TCF20: variants seen among roughly 807,000 people sequenced by gnomAD.
The protein encoded by TCF20 is SPRE-binding protein.
In TCF20, 3 loss-of-function variants were observed where a neutral mutation model predicts 148.6. That is an observed-to-expected ratio of 0.02 (90% CI 0.01 to 0.05). The LOEUF (loss-of-function observed/expected upper bound fraction) is 0.05. TCF20 is among the 10% of genes least tolerant of loss of function. TCF20 has a pLI of 1.00. For synonymous variants in TCF20, 1,049 were observed against 909.5 expected (o/e 1.15, Z -2.76); for missense variants, 2,350 against 2,429.3 (o/e 0.97, Z 0.69).
chr22:42,195,249 C>A (rs1262736105), intron 2 of TCF20, among the ~76,000 whole-genome samples: 2 of 151,292 alleles, frequency 1.3e-5, no homozygotes, highest in East Asian at 4.0e-4. Context: ...AACTCATGAA[C>A]AACAAAGCCT....
chr22:42,322,398 G>A (rs1406242290), intron 1 of TCF20, among the ~76,000 whole-genome samples: 2 of 151,848 alleles, frequency 1.3e-5, no homozygotes, highest in African/African-American at 2.4e-5. Context: ...GAGAGGAGAA[G>A]GGGGTCTGCT....
At chr22:42,257,060 C>G (rs943111977) in intron 1 of TCF20, among the ~76,000 whole-genome samples, 1 of 152,050 alleles carries the variant, frequency 6.6e-6, no homozygotes, top group Admixed American at 6.6e-5. Context: ...CTCAGGAGGC[C>G]GAGGAAGGAA....
chr22:42,314,499 G>A (rs1927595520), intron 1 of TCF20, among the ~76,000 whole-genome samples: 1 of 152,240 alleles, frequency 6.6e-6, no homozygotes, highest in Non-Finnish European at 1.5e-5. Flanking sequence ...CCAGGCATGT[G>A]GGCAGGCAGC....
intron 1 of TCF20, among the ~76,000 whole-genome samples, chr22:42,229,428 T>G (rs1451482976): frequency 6.6e-6 from 1 of 152,200 alleles, no homozygotes; most frequent in Non-Finnish European, 1.5e-5. Flanking sequence ...CCAATCATTC[T>G]TTTATTGTTG....
At chr22:42,286,317 T>C (rs937818903), upstream of TCF20, among the ~76,000 whole-genome samples, 1 of 152,192 alleles carries the variant, frequency 6.6e-6, no homozygotes, top group Non-Finnish European at 1.5e-5. Context: ...CAGGGTTGAC[T>C]GGAACAGTGA....
At chr22:42,305,571 A>G (rs972109160) in intron 1 of TCF20, among the ~76,000 whole-genome samples, 2 of 152,140 alleles carry the variant, frequency 1.3e-5, no homozygotes, top group Non-Finnish European at 2.9e-5. Flanking sequence ...CAACATCTAC[A>G]GGACAAATGG....
At chr22:42,266,998 G>C (rs1438002734) in intron 1 of TCF20, among the ~76,000 whole-genome samples, 2 of 151,698 alleles carry the variant, frequency 1.3e-5, no homozygotes, top group South Asian at 4.2e-4. Context: ...GGCCGGGCAC[G>C]GTGGCTCATG....
At chr22:42,168,845 CAG>C (rs2147054793) in intron 4 of TCF20, 109 bp from the exon 5 acceptor site, 11 of 1,401,722 alleles carry the variant, frequency 7.8e-6, no homozygotes, top group East Asian at 2.7e-5. Flanking sequence ...AAAGAAAAGG[CAG>C]AGTCAGTCCT....
chr22:42,261,812 T>C (rs1601675488), intron 1 of TCF20, among the ~76,000 whole-genome samples: 1 of 152,140 alleles, frequency 6.6e-6, no homozygotes, highest in South Asian at 2.1e-4. Context: ...GCCAACATGG[T>C]GGAACCTGTC....
intron 1 of TCF20, among the ~76,000 whole-genome samples, chr22:42,306,771 G>A (rs140991945): frequency 2.2e-3 from 339 of 152,302 alleles, no homozygotes; most frequent in Non-Finnish European, 3.7e-3. Context: ...AGGTTTGGTG[G>A]CTCACACCTG....
chr22:42,341,677 T>A (rs1171626804), intron 1 of TCF20, among the ~76,000 whole-genome samples: 1 of 145,548 alleles, frequency 6.9e-6, no homozygotes, highest in Admixed American at 7.2e-5. Context: ...TGTTCATTCC[T>A]CAAAGACCTG....
Position 42,211,608 on chromosome 22 carries a change from C to A in TCF20, c.3698G>T (p.Gly1233Val). 6.2e-7 allele frequency: 1 copy of A among 1,614,196 alleles called. No individual in the cohort carries two copies. The highest frequency in any genetic ancestry group is 8.5e-7 in the Non-Finnish European group (1 of 1,180,040). ...LAEATQSSKP[G>V]SVMLRLPGQE... Reference sequence around the variant, plus strand: ...GCCTGGAAGTCTCAGCATAACACTACCAGGTTTGGATGACTGTGTAGCCTC... The same window carrying A: ...GCCTGGAAGTCTCAGCATAACACTAACAGGTTTGGATGACTGTGTAGCCTC... Residue 1233 changes from glycine to valine, a missense_variant, in exon 2 of 6, where the codon GGT becomes GTT. Physicochemically the swap from Gly to Val is moderately radical, Grantham distance 109 (BLOSUM62 -3). Coordinates refer to ENST00000677622, the MANE Select transcript of TCF20 (RefSeq NM_001378418.1).
chr22:42,211,299 G>A lies in TCF20; in HGVS notation c.4007C>T (p.Pro1336Leu), dbSNP rs1296582932. 3 of 1,614,194 alleles carry A rather than the reference G, an allele frequency of 1.9e-6. No homozygotes were observed. Among genetic ancestry groups the A allele is most frequent in the Admixed American group, 1.7e-5 (1 of 60,018 alleles). ...RNCPAVTLTS[P>L]AKTKILPPRK... ...TGGGGGCAGTATTTTGGTCTTAGCA[G>A]GGCTTGTGAGGGTAACAGCAGGGCA... Residue 1336 changes from proline (P) to leucine (L), a missense_variant, in exon 2 of 6, where the codon CCT (proline) becomes CTT (leucine). Physicochemically the swap from Pro to Leu is moderately conservative, Grantham distance 98. This residue lies in a region of TCF20 where 1,641 missense variants were observed against 1,662.6 expected (regional missense o/e 0.99). Transcript: ENST00000677622.
Position 42,338,277 on chromosome 22 carries a change from G to C in TCF20, c.-37+5202C>G, listed in dbSNP as rs964788236. Among the ~76,000 whole-genome samples the C allele has an allele frequency of 5.3e-5, 8 of 152,254 alleles. No individual in the cohort carries two copies. Among genetic ancestry groups the C allele is most frequent in the African/African-American group, 1.9e-4 (8 of 41,466 alleles). On this transcript the variant is annotated intron_variant, in intron 1 of 1. Coordinates refer to the TCF20 transcript ENST00000515426. This position sits in a 1 kb window ranked among gnomAD's most constrained non-coding sequence, Gnocchi z 4.0. ...AGAGGGCCGGAGAAACTTTTCGTCTGAATGGAGGTCGGCTGCACAGAGGAA... is the reference window on the plus strand; with the variant it reads ...AGAGGGCCGGAGAAACTTTTCGTCTCAATGGAGGTCGGCTGCACAGAGGAA...
Position 42,255,778 on chromosome 22 carries a change from TCCTCAGTCAGAACAACG to T in TCF20, c.-37+14544_-37+14560del, listed in dbSNP as rs369148470. Among the ~76,000 whole-genome samples the T allele has an allele frequency of 2.7e-3, 405 of 152,078 alleles. 2 individuals are homozygous for T. Among genetic ancestry groups the T allele is most frequent in the African/African-American group, 9.2e-3 (380 of 41,450 alleles). On this transcript the variant is annotated intron_variant, in intron 1 of 5. Transcript: ENST00000677622. ...CCCCTCTCCTTCCCACCACCATCTC[TCCTCAGTCAGAACAACG>T]CCCCCAACCATGTATTCACACCTCT...
rs1927250521 is a variant in TCF20, at chr22:42,297,107, T to A, written c.-37+46372A>T. 6.6e-6 allele frequency among the ~76,000 whole-genome samples: 1 copy of A among 152,028 alleles called. No individual in the cohort carries two copies. Among genetic ancestry groups the A allele is most frequent in the Non-Finnish European group, 1.5e-5 (1 of 67,998 alleles). On this transcript the variant is annotated intron_variant, in intron 1 of 1. Transcript: ENST00000515426. The surrounding 1 kb of genome is among the most constrained non-coding windows in gnomAD (Gnocchi z 4.3). ...TTAAACTTGGGCCCCAGAACCTGTG[T>A]CCCAACCCCTATGCACTACTGGTTC...
intron 1 of TCF20, among the ~76,000 whole-genome samples, chr22:42,236,065 G>A (rs1274419452): frequency 6.6e-6 from 1 of 152,008 alleles, no homozygotes; most frequent in Non-Finnish European, 1.5e-5. Context: ...ATGGTGGCAG[G>A]CACCTGTAAT....
At chr22:42,201,562 G>A (rs1270484413) in intron 2 of TCF20, among the ~76,000 whole-genome samples, 1 of 152,160 alleles carries the variant, frequency 6.6e-6, no homozygotes, top group Non-Finnish European at 1.5e-5. Flanking sequence ...GAGGTCAGGA[G>A]TTCGAGATCA....
chr22:42,225,516 A>G (rs1747434675), intron 1 of TCF20, among the ~76,000 whole-genome samples: 1 of 148,980 alleles, frequency 6.7e-6, no homozygotes, highest in African/African-American at 2.5e-5. Context: ...CGGGAGGCTG[A>G]GGCAGGAGAA....
Sources: allele counts gnomAD v4.1 joint callset (sites outside exome capture counted in the v4.1 genomes callset), GRCh38; gene constraint gnomAD v4.1.1; regional missense constraint gnomAD v4.1.1; non-coding constraint Gnocchi (gnomAD v3.1); transcripts MANE v1.5; gene names NCBI Gene and HGNC (gene_info 2026-07-23, HGNC 2026-07-21).